Variants in CHN1 observed in about 807,000 individuals in gnomAD.
CHN1 encodes the protein N-chimaerin.
CHN1 carries 37 observed loss-of-function variants against 59.5 expected under a neutral mutation model. The ratio of observed to expected loss-of-function variants is 0.62; its 90% CI spans 0.48 to 0.82. The LOEUF is 0.82. Among genes scored for constraint, CHN1 ranks in the 40% least tolerant of loss-of-function variants. The probability of loss-of-function intolerance (pLI) is 0.00; values close to 1 mark genes in which losing one functional copy is unlikely to be tolerated. For synonymous variants in CHN1, 206 were observed against 200.4 expected (o/e 1.03, Z -0.24); for missense variants, 469 against 571.0 (o/e 0.82, Z 1.82).
At chr2:174,947,368 T>C (rs1043433007) in intron 2 of CHN1, among the ~76,000 whole-genome samples, 6 of 152,316 alleles carry the variant, frequency 3.9e-5, no homozygotes, top group African/African-American at 1.4e-4. Context: ...CAAATCCTTC[T>C]AATCGTCTCA....
At chr2:174,819,660 ATTTT>A (rs907230291) in intron 8 of CHN1, among the ~76,000 whole-genome samples, 2 of 151,676 alleles carry the variant, frequency 1.3e-5, no homozygotes, top group South Asian at 2.1e-4. Context: ...TTTGAACTTG[ATTTT>A]TTTATTATTA....
intron 1 of CHN1, among the ~76,000 whole-genome samples, chr2:174,955,154 CTATGTCTATATATCTCTA>C (rs1690155661): frequency 1.5e-5 from 2 of 130,384 alleles, no homozygotes; most frequent in Non-Finnish European, 3.2e-5. Context: ...CTCTATATAT[CTATGTCTATATATCTCTA>C]TATATCTATA....
intron 5 of CHN1, among the ~76,000 whole-genome samples, chr2:174,909,655 G>T (rs1047557178): frequency 6.6e-6 from 1 of 152,202 alleles, no homozygotes; most frequent in Non-Finnish European, 1.5e-5. Flanking sequence ...AATACAAATA[G>T]AAAGATCACA....
At chr2:174,984,040 T>C (rs1415741744) in intron 1 of CHN1, among the ~76,000 whole-genome samples, 1 of 151,610 alleles carries the variant, frequency 6.6e-6, no homozygotes, top group Admixed American at 6.6e-5. Context: ...AGGGAGCATC[T>C]ACTGCTCCAC....
chr2:174,799,476 T>C lies in CHN1; in HGVS notation c.*640A>G. The C allele has an allele frequency of 4.1e-6, 2 of 483,150 alleles. No homozygotes were observed. The highest frequency in any genetic ancestry group is 8.0e-6 in the Non-Finnish European group (2 of 249,424). 29.9% of individuals were successfully genotyped at this position (483,150 alleles called of 1,614,324 possible). ...CCAAATTACAACTGAAAACCAATAA[T>C]AATTTAACAGAAAATGCTGTGTTGT... On this transcript the variant is annotated 3_prime_UTR_variant, in exon 13 of 13. Transcript: ENST00000409900.
intron 7 of CHN1, among the ~76,000 whole-genome samples, chr2:174,829,809 G>T (rs973299027): frequency 6.6e-6 from 1 of 152,158 alleles, no homozygotes; most frequent in South Asian, 2.1e-4. Context: ...GAGAACAGAT[G>T]AACAAAATCA....
At chr2:174,847,332 C>T (rs192810860) in intron 6 of CHN1, 554 of 1,306,132 alleles carry the variant, frequency 4.2e-4, no homozygotes, top group Non-Finnish European at 5.1e-4. Context: ...CTTCTTTCTT[C>T]CTTTTTTTTT....
chr2:174,857,420 T>C (rs1476897879), intron 6 of CHN1, among the ~76,000 whole-genome samples: 1 of 152,158 alleles, frequency 6.6e-6, no homozygotes, highest in Non-Finnish European at 1.5e-5. Flanking sequence ...AGTCTTATTT[T>C]TTCACTTATA....
At chr2:174,971,540 T>C (rs1385452109) in intron 1 of CHN1, among the ~76,000 whole-genome samples, 1 of 152,176 alleles carries the variant, frequency 6.6e-6, no homozygotes. Flanking sequence ...CCTAAAACAA[T>C]AACTAGAACA....
intron 6 of CHN1, chr2:174,847,680 T>A (rs1328017975): frequency 7.8e-7 from 1 of 1,289,712 alleles, no homozygotes; most frequent in African/African-American, 1.6e-5. Flanking sequence ...CCAATGAAAA[T>A]CAAGCAACAG....
intron 7 of CHN1, among the ~76,000 whole-genome samples, chr2:174,840,701 T>C (rs1686269696): frequency 6.6e-6 from 1 of 152,150 alleles, no homozygotes; most frequent in Non-Finnish European, 1.5e-5. Flanking sequence ...TAGAGAATAC[T>C]GTGGGCAAGA....
At chr2:174,926,985 C>A (rs1327725319) in intron 3 of CHN1, among the ~76,000 whole-genome samples, 1 of 152,122 alleles carries the variant, frequency 6.6e-6, no homozygotes, top group Non-Finnish European at 1.5e-5. Flanking sequence ...GTCTCGATCT[C>A]CTGACCTCGT....
At chr2:174,876,803 T>C (rs1053408921) in intron 6 of CHN1, among the ~76,000 whole-genome samples, 1 of 152,158 alleles carries the variant, frequency 6.6e-6, no homozygotes, top group African/African-American at 2.4e-5. Context: ...CTACATTGAG[T>C]GTCTACATGT....
chr2:174,801,893 G>A (rs1450185724), intron 11 of CHN1, 81 bp from the exon 12 acceptor site: 23 of 1,032,640 alleles, frequency 2.2e-5, no homozygotes, highest in Non-Finnish European at 3.5e-5. Context: ...CTATTCTTGT[G>A]ATAATGCTCT....
intron 1 of CHN1, among the ~76,000 whole-genome samples, chr2:174,975,432 C>T (rs1690891240): frequency 6.6e-6 from 1 of 152,072 alleles, no homozygotes; most frequent in Non-Finnish European, 1.5e-5. Context: ...CCTCCCCAAG[C>T]ACTTCAAAGT....
chr2:174,860,525 A>G (rs1209420720), intron 6 of CHN1, among the ~76,000 whole-genome samples: 1 of 152,196 alleles, frequency 6.6e-6, no homozygotes, highest in African/African-American at 2.4e-5. Context: ...CTAAGTGCTC[A>G]TAAATAGTTT....
chr2:175,005,279 G>T lies in CHN1; in HGVS notation c.-367C>A. On this transcript the variant is annotated 5_prime_UTR_variant, in exon 1 of 13. Transcript: ENST00000409900. ...GCGCCGCACTGGCGGCGGCGGCGGCGGCGACGGGGAGAGCAGCAGCAGCCT... is the reference window on the plus strand; with the variant it reads ...GCGCCGCACTGGCGGCGGCGGCGGCTGCGACGGGGAGAGCAGCAGCAGCCT... 1 of 1,170,836 alleles carries T rather than the reference G, an allele frequency of 8.5e-7. No individual in the cohort carries two copies. The highest frequency in any genetic ancestry group is 2.0e-5 in the South Asian group (1 of 49,764). 72.5% of individuals were successfully genotyped at this position (1,170,836 alleles called of 1,614,324 possible). A position where few individuals can be genotyped will look rare whatever the true frequency, so the allele number is the denominator to read the frequency against.
intron 3 of CHN1, among the ~76,000 whole-genome samples, chr2:174,924,442 C>T (rs1305716940): frequency 6.6e-6 from 1 of 152,166 alleles, no homozygotes; most frequent in Non-Finnish European, 1.5e-5. Flanking sequence ...TAACTGCCTC[C>T]TTGGTGTTTT....
At chr2:174,965,602 G>A (rs905020726) in intron 1 of CHN1, among the ~76,000 whole-genome samples, 1 of 152,126 alleles carries the variant, frequency 6.6e-6, no homozygotes, top group African/African-American at 2.4e-5. Context: ...ATTAGTTTCA[G>A]ATTGCCTTTG....
Sources: allele counts gnomAD v4.1 joint callset (sites outside exome capture counted in the v4.1 genomes callset), GRCh38; gene constraint gnomAD v4.1.1; transcripts MANE v1.5; gene names NCBI Gene and HGNC (gene_info 2026-07-23, HGNC 2026-07-21).